ATP8A2: variants seen among roughly 807,000 people sequenced by gnomAD.
ATP8A2 encodes the protein phospholipid-transporting ATPase IB.
Under a neutral mutation model 165.6 loss-of-function variants are expected in ATP8A2, and 100 were observed. The observed-to-expected ratio is 0.60, with a 90% CI of 0.51 to 0.71. ATP8A2 has a LOEUF of 0.71. Among genes scored for constraint, ATP8A2 ranks in the 30% least tolerant of loss-of-function variants. ATP8A2 has a pLI of 0.00. For missense variants in ATP8A2, 1,227 were observed against 1,479.5 expected (o/e 0.83, Z 2.80); for synonymous variants, 543 against 548.8 (o/e 0.99, Z 0.15).
intron 33 of ATP8A2, among the ~76,000 whole-genome samples, chr13:25,951,582 G>A (rs1955361697): frequency 6.6e-6 from 1 of 152,188 alleles, no homozygotes. Flanking sequence ...GTAGACAGTT[G>A]TGTTAATGGC....
chr13:25,994,680 T>A lies in ATP8A2; in HGVS notation c.3378-17851T>A, dbSNP rs144522496. Among the ~76,000 whole-genome samples, 343 of 152,248 alleles carry A rather than the reference T, an allele frequency of 2.3e-3. 1 individual carries two copies. Among genetic ancestry groups the A allele is most frequent in the African/African-American group, 7.5e-3 (310 of 41,574 alleles). On this transcript the variant is annotated intron_variant, in intron 35 of 36. Coordinates refer to ENST00000381655, the MANE Select transcript of ATP8A2 (RefSeq NM_016529.6). ...CTCTTTAGCCTGTTAACATGGTAGATTACATTGATTTCTGAATATTGAACC... is the reference window on the plus strand; with the variant it reads ...CTCTTTAGCCTGTTAACATGGTAGAATACATTGATTTCTGAATATTGAACC...
rs1049938568 is a variant in ATP8A2, at chr13:25,551,629, C to T, written c.1057+126C>T. On this transcript the variant is annotated intron_variant, in intron 11 of 36. Coordinates refer to ENST00000381655, the MANE Select transcript of ATP8A2 (RefSeq NM_016529.6). ...TCCCTTTGGTTACTGTACATAATGC[C>T]AGCCTTTCAAGGAGAATTGAGATTA... 12 of 823,982 alleles carry T rather than the reference C, an allele frequency of 1.5e-5. No homozygotes were observed. The African/African-American group carries it at 1.7e-4, about 12-fold the overall frequency. The allele number at this position is 823,982 out of a possible 1,614,324, so 51.0% of individuals were successfully genotyped here.
intron 33 of ATP8A2, among the ~76,000 whole-genome samples, chr13:25,906,508 C>G (rs1953941500): frequency 6.6e-6 from 1 of 152,066 alleles, no homozygotes; most frequent in Non-Finnish European, 1.5e-5. Context: ...GCGGTGGGGT[C>G]TCCTGTCTCC....
rs1370628928 is a variant in ATP8A2, at chr13:25,372,317, G to T, written c.76+29G>T. ...AGCTGGGAGGGGCGCGGCGAGGGAG[G>T]GTGGGCCCGGGGCGGGGGCGGCGCG... On this transcript the variant is annotated intron_variant, in intron 1 of 36. Transcript: ENST00000381655. The surrounding 1 kb of genome is among the most constrained non-coding windows in gnomAD (Gnocchi z 4.8). 2.1e-6 allele frequency: 3 copies of T among 1,437,246 alleles called. No homozygotes were observed. Among genetic ancestry groups the T allele is most frequent in the South Asian group, 2.7e-5 (2 of 74,760 alleles). 89.0% of individuals were successfully genotyped at this position (1,437,246 alleles called of 1,614,324 possible).
chr13:25,921,163 A>G (rs530492514), intron 33 of ATP8A2, among the ~76,000 whole-genome samples: 1 of 152,132 alleles, frequency 6.6e-6, no homozygotes, highest in South Asian at 2.1e-4. Context: ...TCTTTTCCTC[A>G]CTCCCATTGC....
chr13:25,838,419 C>T (rs985463341), intron 29 of ATP8A2, among the ~76,000 whole-genome samples: 3 of 152,096 alleles, frequency 2.0e-5, no homozygotes, highest in Non-Finnish European at 2.9e-5. Flanking sequence ...ACTGTGATTC[C>T]GTTAATGGGA....
chr13:25,899,014 C>T (rs1198177518), intron 33 of ATP8A2, among the ~76,000 whole-genome samples: 1 of 152,242 alleles, frequency 6.6e-6, no homozygotes, highest in Non-Finnish European at 1.5e-5. Context: ...TCAGCTCACG[C>T]ATGGTGCCCT....
At chr13:26,011,255 T>G (rs1324402) in intron 35 of ATP8A2, among the ~76,000 whole-genome samples, 2 of 152,196 alleles carry the variant, frequency 1.3e-5, no homozygotes, top group Non-Finnish European at 2.9e-5. Context: ...CTCGAGCTAC[T>G]TACAGATTGG....
intron 27 of ATP8A2, among the ~76,000 whole-genome samples, chr13:25,778,325 A>G (rs1402079685): frequency 6.6e-6 from 1 of 152,242 alleles, no homozygotes; most frequent in Non-Finnish European, 1.5e-5. Flanking sequence ...TTTGTTGCTG[A>G]CAAATCTTAA....
chr13:25,533,611 G>A (rs2038186321), intron 6 of ATP8A2, among the ~76,000 whole-genome samples: 1 of 152,120 alleles, frequency 6.6e-6, no homozygotes, highest in African/African-American at 2.4e-5. Flanking sequence ...CTTAACCTAA[G>A]TTAAAGTTTA....
chr13:25,952,227 C>T (rs17082906), intron 33 of ATP8A2, among the ~76,000 whole-genome samples: 1 of 152,130 alleles, frequency 6.6e-6, no homozygotes, highest in African/African-American at 2.4e-5. Flanking sequence ...AAAATTGACA[C>T]CAAGCTCTAG....
intron 9 of ATP8A2, among the ~76,000 whole-genome samples, chr13:25,542,861 T>C (rs2038527273): frequency 6.6e-6 from 1 of 152,102 alleles, no homozygotes; most frequent in Admixed American, 6.6e-5. Flanking sequence ...ATATGATAGG[T>C]TGCTGCTTTT....
chr13:25,519,334 C>T lies in ATP8A2; in HGVS notation c.222-10665C>T, dbSNP rs111597477. Among the ~76,000 whole-genome samples the T allele has an allele frequency of 6.2e-3, 936 of 152,194 alleles. 8 individuals are homozygous for T. The highest frequency in any genetic ancestry group is 0.022 in the African/African-American group (895 of 41,538). Reference sequence around the variant, plus strand: ...TATCCTCCTTCCCTGATCTGTTTTCCCCTGCAGTATTCATCACGATCTATG... The same window carrying T: ...TATCCTCCTTCCCTGATCTGTTTTCTCCTGCAGTATTCATCACGATCTATG... On this transcript the variant is annotated intron_variant, in intron 2 of 36. Transcript: ENST00000381655.
At chr13:25,898,466 G>A (rs529331951) in intron 33 of ATP8A2, among the ~76,000 whole-genome samples, 9 of 152,290 alleles carry the variant, frequency 5.9e-5, no homozygotes, top group African/African-American at 1.2e-4. Flanking sequence ...TAGGCTACTC[G>A]GGGGTCAGGG....
chr13:25,373,364 T>A (rs1389211443), intron 1 of ATP8A2, among the ~76,000 whole-genome samples: 2 of 139,444 alleles, frequency 1.4e-5, no homozygotes, highest in Middle Eastern at 3.8e-3. Flanking sequence ...AGCCAATGTT[T>A]GTTAAACTTG....
At chr13:25,782,796 A>G (rs907503729) in intron 27 of ATP8A2, among the ~76,000 whole-genome samples, 5 of 152,070 alleles carry the variant, frequency 3.3e-5, no homozygotes, top group East Asian at 3.9e-4. Context: ...CTGGAGTGCA[A>G]TGGCGTGATC....
chr13:25,417,328 C>G (rs779276105), intron 1 of ATP8A2, among the ~76,000 whole-genome samples: 2 of 152,162 alleles, frequency 1.3e-5, no homozygotes, highest in African/African-American at 2.4e-5. Flanking sequence ...TCTTATTTTA[C>G]TTCATTTCTC....
At chr13:25,568,815 A>C (rs2039389588) in intron 16 of ATP8A2, among the ~76,000 whole-genome samples, 1 of 152,202 alleles carries the variant, frequency 6.6e-6, no homozygotes, top group Non-Finnish European at 1.5e-5. Context: ...GAAGATACAC[A>C]CATACATATA....
intron 25 of ATP8A2, among the ~76,000 whole-genome samples, chr13:25,746,264 A>G (rs1313721697): frequency 6.6e-6 from 1 of 152,214 alleles, no homozygotes; most frequent in African/African-American, 2.4e-5. Flanking sequence ...CGTGAAAAGA[A>G]GGAAGTCTTG....
Sources: allele counts gnomAD v4.1 joint callset (sites outside exome capture counted in the v4.1 genomes callset), GRCh38; gene constraint gnomAD v4.1.1; non-coding constraint Gnocchi (gnomAD v3.1); transcripts MANE v1.5; gene names NCBI Gene and HGNC (gene_info 2026-07-23, HGNC 2026-07-21).